Variants in PGGT1B observed in about 807,000 individuals in gnomAD.
The protein encoded by PGGT1B is protein geranylgeranyltransferase type I subunit beta, also known as geranylgeranyl transferase type-1 subunit beta.
A neutral mutation model predicts 46.1 loss-of-function variants in PGGT1B; 30 were observed. The observed-to-expected ratio is 0.65, with a 90% CI of 0.49 to 0.88. The LOEUF (loss-of-function observed/expected upper bound fraction) is 0.88. PGGT1B is among the 40% of genes least tolerant of loss of function. The probability of loss-of-function intolerance (pLI) is 0.00; values close to 1 mark genes in which losing one functional copy is unlikely to be tolerated. For missense variants in PGGT1B, 376 were observed against 455.9 expected (o/e 0.82, Z 1.60); for synonymous variants, 170 against 160.0 (o/e 1.06, Z -0.47).
chr5:115,220,365 G>C (rs1482407482), intron 7 of PGGT1B, among the ~76,000 whole-genome samples: 1 of 151,800 alleles, frequency 6.6e-6, no homozygotes, highest in Non-Finnish European at 1.5e-5. Context: ...GACAAATATT[G>C]TATGATTTCA....
chr5:115,238,683 A>C (rs1757262696), intron 3 of PGGT1B, among the ~76,000 whole-genome samples: 1 of 152,186 alleles, frequency 6.6e-6, no homozygotes, highest in Admixed American at 6.5e-5. Flanking sequence ...TTCTATAATA[A>C]ATGTAAACTT....
intron 2 of PGGT1B, among the ~76,000 whole-genome samples, chr5:115,246,843 C>T (rs1235925068): frequency 1.3e-5 from 2 of 152,118 alleles, no homozygotes; most frequent in Non-Finnish European, 1.5e-5. Flanking sequence ...CTTGTTTATG[C>T]TGTTTAACAT....
chr5:115,237,556 T>C (rs1397599378), intron 4 of PGGT1B, among the ~76,000 whole-genome samples: 1 of 152,194 alleles, frequency 6.6e-6, no homozygotes, highest in African/African-American at 2.4e-5. Context: ...AAAATATCAA[T>C]TTTTCATCTA....
chr5:115,246,211 C>A (rs1260254371), intron 2 of PGGT1B, among the ~76,000 whole-genome samples: 1 of 152,002 alleles, frequency 6.6e-6, no homozygotes, highest in Non-Finnish European at 1.5e-5. Flanking sequence ...CTAAAATTAG[C>A]CGGGTGTGGT....
chr5:115,244,316 T>C (rs1274494560), intron 2 of PGGT1B, among the ~76,000 whole-genome samples: 1 of 150,360 alleles, frequency 6.7e-6, no homozygotes, highest in Non-Finnish European at 1.5e-5. Flanking sequence ...ATACAAAAAA[T>C]TAGCTGGGCG....
chr5:115,230,087 T>C (rs1756929800), intron 6 of PGGT1B, among the ~76,000 whole-genome samples: 2 of 151,986 alleles, frequency 1.3e-5, no homozygotes. Context: ...CAAACCACTT[T>C]CCCCCATATC....
intron 1 of PGGT1B, among the ~76,000 whole-genome samples, chr5:115,256,393 TG>T (rs559088642): frequency 1.2e-3 from 190 of 152,326 alleles, no homozygotes; most frequent in African/African-American, 3.4e-3. Flanking sequence ...GCACTCTACA[TG>T]TAAGTGCCAA....
intron 5 of PGGT1B, among the ~76,000 whole-genome samples, chr5:115,232,392 A>T (rs1032045530): frequency 6.6e-6 from 1 of 152,044 alleles, no homozygotes; most frequent in Non-Finnish European, 1.5e-5. Flanking sequence ...ACAACGTTGG[A>T]AGCTGATAGA....
At chr5:115,262,406 G>A in intron 1 of PGGT1B, 1 of 361,300 alleles carries the variant, frequency 2.8e-6, no homozygotes, top group Non-Finnish European at 5.1e-6. Flanking sequence ...TTTTACACTC[G>A]GAAGTAATGA....
chr5:115,253,355 A>G (rs978983137), intron 1 of PGGT1B, 100 bp from the exon 2 acceptor site: 4 of 1,027,644 alleles, frequency 3.9e-6, no homozygotes, highest in Non-Finnish European at 5.5e-6. Flanking sequence ...TAATTTTCCA[A>G]TAATTTAAAC....
chr5:115,223,393 C>A (rs985746906), intron 6 of PGGT1B, among the ~76,000 whole-genome samples: 1 of 152,046 alleles, frequency 6.6e-6, no homozygotes, highest in African/African-American at 2.4e-5. Context: ...CCTAATTGTA[C>A]TCACAAGTGC....
intron 2 of PGGT1B, among the ~76,000 whole-genome samples, chr5:115,246,879 T>G (rs1747875021): frequency 6.6e-6 from 1 of 152,180 alleles, no homozygotes; most frequent in African/African-American, 2.4e-5. Context: ...CACTATATCA[T>G]AAAAATTGAG....
chr5:115,226,949 G>T (rs1160632217), intron 6 of PGGT1B, among the ~76,000 whole-genome samples: 2 of 151,986 alleles, frequency 1.3e-5, no homozygotes, highest in African/African-American at 4.8e-5. Context: ...ACAAGCAGAA[G>T]CAAGTGGAAA....
intron 3 of PGGT1B, 23 bp from the exon 4 acceptor site, chr5:115,238,032 A>T (rs1757236750): frequency 6.6e-7 from 1 of 1,520,186 alleles, no homozygotes; most frequent in Non-Finnish European, 8.9e-7. Context: ...TTAATATAGT[A>T]CTAATTAATG....
chr5:115,231,065 T>C (rs1471219355), intron 5 of PGGT1B, 44 bp from the exon 6 acceptor site: 2 of 1,014,000 alleles, frequency 2.0e-6, no homozygotes, highest in Admixed American at 5.3e-5. Context: ...GAAATAATAA[T>C]AATAATAAAT....
chr5:115,241,640 C>G, intron 2 of PGGT1B, 34 bp from the exon 3 acceptor site: 1 of 1,514,834 alleles, frequency 6.6e-7, no homozygotes, highest in Non-Finnish European at 9.1e-7. Context: ...ATTTAAAGTA[C>G]ACTTTATTTT....
At position 115,262,716 on chromosome 5, in the gene PGGT1B, T is replaced by G. The variant is rs1274095251; in HGVS notation, c.136A>C (p.Ser46Arg). ...GCTGACTGTGCCACGAGTTACCTGC[T>G]TGTCTCGAGTGAAGAATAGCGCTCC... The part of the protein sequence containing the change: ...LPERYSSLET[S>R]RLTIAFFALS... The change falls in exon 1 of 9, where the codon AGC (serine) becomes CGC (arginine). Residue 46 changes from serine to arginine, a missense_variant. Ser to Arg is a moderately radical substitution (Grantham distance 110). Around this residue, in one of 2 missense-constraint regions of PGGT1B, gnomAD observed 154 missense variants for 142.3 expected, o/e 1.08. Coordinates refer to ENST00000419445, the MANE Select transcript of PGGT1B (RefSeq NM_005023.4). The G allele has an allele frequency of 3.7e-6, 6 of 1,607,870 alleles. No homozygotes were observed. The highest frequency in any genetic ancestry group is 5.1e-6 in the Non-Finnish European group (6 of 1,177,016).
chr5:115,225,126 T>C (rs1297738126), intron 6 of PGGT1B, among the ~76,000 whole-genome samples: 2 of 152,192 alleles, frequency 1.3e-5, no homozygotes, highest in African/African-American at 2.4e-5. Flanking sequence ...ACTGTGCTCA[T>C]TATGCCTTAG....
At chr5:115,253,542 G>A (rs1416098222) in intron 1 of PGGT1B, among the ~76,000 whole-genome samples, 1 of 151,774 alleles carries the variant, frequency 6.6e-6, no homozygotes, top group African/African-American at 2.4e-5. Context: ...CCAAACTGAA[G>A]GCTAAAGTAG....
Sources: gnomAD v4.1 joint callset for allele counts (sites outside exome capture counted in the v4.1 genomes callset) on GRCh38, gnomAD v4.1.1 for gene constraint, gnomAD v4.1.1 regional missense constraint, MANE v1.5 for transcripts, NCBI Gene and HGNC (gene_info 2026-07-23, HGNC 2026-07-21) for gene names.